Variants in CERS6 observed in about 807,000 individuals in gnomAD.
CERS6 encodes ceramide synthase 6, also known as LAG1 homolog, ceramide synthase 6.
A neutral mutation model predicts 56.8 loss-of-function variants in CERS6; 26 were observed. The ratio of observed to expected loss-of-function variants is 0.46; its 90% CI spans 0.34 to 0.63. CERS6 has a LOEUF of 0.63. Among genes scored for constraint, CERS6 ranks in the 30% least tolerant of loss-of-function variants. The pLI is 0.01. For missense variants in CERS6, 415 were observed against 467.5 expected (o/e 0.89, Z 1.04); for synonymous variants, 164 against 173.3 (o/e 0.95, Z 0.42).
At chr2:168,686,112 C>T (rs1198839140) in intron 4 of CERS6, among the ~76,000 whole-genome samples, 6 of 147,128 alleles carry the variant, frequency 4.1e-5, no homozygotes, top group Non-Finnish European at 7.4e-5. Flanking sequence ...GGAAATTTCT[C>T]ATCGTTCTGG....
chr2:168,661,019 A>G (rs1440290827), intron 4 of CERS6, among the ~76,000 whole-genome samples: 1 of 152,014 alleles, frequency 6.6e-6, no homozygotes, highest in Non-Finnish European at 1.5e-5. Flanking sequence ...CTTAGGGATT[A>G]CTATCTGGAG....
intron 4 of CERS6, among the ~76,000 whole-genome samples, chr2:168,634,506 G>A (rs1684819406): frequency 6.6e-6 from 1 of 152,072 alleles, no homozygotes; most frequent in Admixed American, 6.6e-5. Flanking sequence ...TACCCCTCCT[G>A]GGTTCAAACG....
At chr2:168,480,478 A>C (rs1289253833) in intron 1 of CERS6, among the ~76,000 whole-genome samples, 1 of 152,224 alleles carries the variant, frequency 6.6e-6, no homozygotes. Flanking sequence ...AGATGAAAAA[A>C]ACAGACCTAG....
intron 4 of CERS6, among the ~76,000 whole-genome samples, chr2:168,647,610 C>T (rs1201914424): frequency 6.6e-6 from 1 of 152,148 alleles, no homozygotes; most frequent in Non-Finnish European, 1.5e-5. Flanking sequence ...GGGAATGCTT[C>T]CAGCTTTTGC....
intron 4 of CERS6, among the ~76,000 whole-genome samples, chr2:168,686,405 A>G (rs951162505): frequency 6.6e-6 from 1 of 151,366 alleles, no homozygotes; most frequent in African/African-American, 2.4e-5. Context: ...GATGCAAAAA[A>G]TAAATAAATG....
chr2:168,756,582 GA>G (rs1340669577), intron 8 of CERS6, among the ~76,000 whole-genome samples: 1 of 152,192 alleles, frequency 6.6e-6, no homozygotes, highest in African/African-American at 2.4e-5. Context: ...ATGGCTACCA[GA>G]AACCAGCTTA....
chr2:168,690,579 C>G (rs1686473168), intron 4 of CERS6, among the ~76,000 whole-genome samples: 1 of 152,038 alleles, frequency 6.6e-6, no homozygotes, highest in Non-Finnish European at 1.5e-5. Context: ...GTCACTGAAC[C>G]CTGGTCAAGG....
At chr2:168,658,224 T>C (rs1685540054) in intron 4 of CERS6, among the ~76,000 whole-genome samples, 2 of 152,318 alleles carry the variant, frequency 1.3e-5, no homozygotes, top group South Asian at 2.1e-4. Flanking sequence ...TTATACTCAA[T>C]ATAAATAATA....
rs182881998 is a variant in CERS6 at position 168,717,919 on chromosome 2, C to T, written c.786C>T (p.Leu262=). ...CCAAGTTTCAGAAAATGTGTGATCT[C>T]CTGTTTGTTATGTTTGCCGTGGTTT... The part of the protein sequence containing the change: ...NYAKFQKMCD[L]LFVMFAVVFI... The change falls in exon 8 of 10, where the codon CTC becomes CTT. Residue 262 remains leucine (L), a synonymous_variant. Transcript: ENST00000305747. 2 of 1,613,786 alleles carry T rather than the reference C, an allele frequency of 1.2e-6. No homozygotes were observed. Among genetic ancestry groups the T allele is most frequent in the East Asian group, 4.5e-5 (2 of 44,856 alleles).
At chr2:168,549,001 AT>A (rs1695516909) in intron 2 of CERS6, among the ~76,000 whole-genome samples, 1 of 152,156 alleles carries the variant, frequency 6.6e-6, no homozygotes, top group African/African-American at 2.4e-5. Flanking sequence ...TTGCATTTTC[AT>A]TTAGTGTATC....
At chr2:168,573,790 G>A (rs1683179883) in intron 3 of CERS6, among the ~76,000 whole-genome samples, 1 of 152,084 alleles carries the variant, frequency 6.6e-6, no homozygotes, top group African/African-American at 2.4e-5. Flanking sequence ...GTTGGAGCAG[G>A]CCCCAATAGT....
chr2:168,554,955 GAAA>G (rs1273271032), intron 2 of CERS6, among the ~76,000 whole-genome samples: 3 of 151,878 alleles, frequency 2.0e-5, no homozygotes, highest in Non-Finnish European at 4.4e-5. Context: ...AGGAATTGAA[GAAA>G]AAATGGAAAC....
intron 4 of CERS6, among the ~76,000 whole-genome samples, chr2:168,657,428 C>G (rs903546979): frequency 1.3e-5 from 2 of 152,276 alleles, no homozygotes; most frequent in Non-Finnish European, 2.9e-5. Context: ...CAGTCCTGCG[C>G]CATGCGCTCG....
At chr2:168,699,998 C>T (rs1196917061) in intron 6 of CERS6, among the ~76,000 whole-genome samples, 1 of 152,204 alleles carries the variant, frequency 6.6e-6, no homozygotes, top group African/African-American at 2.4e-5. Flanking sequence ...GGCCTTTGGC[C>T]AATGAGTTCT....
chr2:168,474,903 G>A (rs1232746367), intron 1 of CERS6, among the ~76,000 whole-genome samples: 1 of 152,126 alleles, frequency 6.6e-6, no homozygotes, highest in East Asian at 1.9e-4. Flanking sequence ...CTTGTATGGG[G>A]CTTCCTAATA....
chr2:168,557,240 G>A (rs1217176161), intron 2 of CERS6, among the ~76,000 whole-genome samples: 1 of 152,006 alleles, frequency 6.6e-6, no homozygotes, highest in African/African-American at 2.4e-5. Context: ...ATATAGCTAG[G>A]AATAAACATA....
At chr2:168,642,080 G>T (rs1329016538) in intron 4 of CERS6, among the ~76,000 whole-genome samples, 3 of 150,530 alleles carry the variant, frequency 2.0e-5, no homozygotes, top group Non-Finnish European at 4.4e-5. Context: ...CAGTAAAAAT[G>T]ATCTACTGTA....
chr2:168,724,994 G>C (rs189437482), intron 8 of CERS6, among the ~76,000 whole-genome samples: 1,646 of 152,356 alleles, frequency 0.011, 33 homozygotes, highest in African/African-American at 0.037. Flanking sequence ...GCCCACGGAG[G>C]GGGTGGGAGG....
chr2:168,584,332 G>T (rs1023905535), intron 3 of CERS6, among the ~76,000 whole-genome samples: 11 of 152,162 alleles, frequency 7.2e-5, no homozygotes, highest in Non-Finnish European at 1.3e-4. Flanking sequence ...CCCCTCTGTG[G>T]AAATTAACAA....
Sources: allele counts gnomAD v4.1 joint callset (sites outside exome capture counted in the v4.1 genomes callset), GRCh38; gene constraint gnomAD v4.1.1; transcripts MANE v1.5; gene names NCBI Gene and HGNC (gene_info 2026-07-23, HGNC 2026-07-21).